The following SPINK9 variants were observed in gnomAD, a reference collection of about 807,000 sequenced individuals.
The protein encoded by SPINK9 is serine peptidase inhibitor Kazal type 9.
SPINK9 carries 3 observed loss-of-function variants against 10.8 expected under a neutral mutation model. That is an observed-to-expected ratio of 0.28 (90% CI 0.13 to 0.72). SPINK9 has a LOEUF of 0.72. Among genes scored for constraint, SPINK9 ranks in the 30% least tolerant of loss-of-function variants. The pLI is 0.74. For synonymous variants in SPINK9, 30 were observed against 31.2 expected, an observed-to-expected ratio of 0.96 and a Z score of 0.12; for missense variants, 101 against 103.2, an observed-to-expected ratio of 0.98 and a Z score of 0.09.
At chr5:148,331,694 A>C (rs1037557467), upstream of SPINK9, among the ~76,000 whole-genome samples, 1 of 152,216 alleles carries the variant, frequency 6.6e-6, no homozygotes, top group Non-Finnish European at 1.5e-5. Context: ...ATCATTCCAC[A>C]ATGTATACAT....
At chr5:148,332,478 AG>A (rs1757163563), upstream of SPINK9, among the ~76,000 whole-genome samples, 1 of 152,382 alleles carries the variant, frequency 6.6e-6, no homozygotes, top group South Asian at 2.1e-4. Context: ...AGGTTTTTCT[AG>A]GATCTGTGCT....
intron 2 of SPINK9, among the ~76,000 whole-genome samples, chr5:148,330,363 T>C (rs1224409487): frequency 1.3e-5 from 2 of 152,214 alleles, no homozygotes; most frequent in Admixed American, 6.5e-5. Flanking sequence ...GCTTGGTAGA[T>C]CTTCCTCCAT....
At position 148,338,598 on chromosome 5, in the gene SPINK9, AAAGTT is replaced by A. The variant is rs1757249023; in HGVS notation, c.213_215+2del. On this transcript the variant is annotated frameshift_variant and splice_region_variant, in exon 3 of 4. Transcript: ENST00000377906. LOFTEE classifies it high-confidence loss of function. ...TAAAAATGATTGCTTCTTCTGTTCT[AAAGTT>A]AAGTAAGTATTAAAATGTTTTCTTT... 2 of 1,575,604 alleles carry A rather than the reference AAAGTT, an allele frequency of 1.3e-6. No homozygotes were observed. Among genetic ancestry groups the A allele is most frequent in the Admixed American group, 1.7e-5 (1 of 57,578 alleles).
At chr5:148,328,679 C>G (rs1225886960) in intron 2 of SPINK9, among the ~76,000 whole-genome samples, 2 of 152,158 alleles carry the variant, frequency 1.3e-5, no homozygotes, top group Non-Finnish European at 2.9e-5. Context: ...TACGTCCCAT[C>G]AATACCTAAT....
chr5:148,338,436 A>G (rs1561769351), intron 2 of SPINK9, 42 bp from the exon 3 acceptor site: 1 of 1,557,432 alleles, frequency 6.4e-7, no homozygotes, highest in Admixed American at 2.0e-5. Flanking sequence ...GATAATAAAG[A>G]TTTGGTTGAA....
intron 3 of SPINK9, 90 bp from the exon 4 acceptor site, chr5:148,339,577 A>T (rs191184452): frequency 2.7e-6 from 3 of 1,111,274 alleles, no homozygotes; most frequent in Non-Finnish European, 4.0e-6. Context: ...AAACTTGAAT[A>T]CATTTTTGGG....
chr5:148,329,113 G>A (rs1205789018), intron 2 of SPINK9, among the ~76,000 whole-genome samples: 1 of 152,162 alleles, frequency 6.6e-6, no homozygotes, highest in African/African-American at 2.4e-5. Context: ...GGTAGAATCT[G>A]GCTGTGAATC....
chr5:148,324,705 T>A (rs577434765), intron 2 of SPINK9, among the ~76,000 whole-genome samples: 1 of 150,436 alleles, frequency 6.6e-6, no homozygotes, highest in African/African-American at 2.5e-5. Flanking sequence ...TGATCCTGAA[T>A]GGGTCTTATT....
At chr5:148,331,952 C>G (rs550505029), upstream of SPINK9, among the ~76,000 whole-genome samples, 1 of 152,030 alleles carries the variant, frequency 6.6e-6, no homozygotes, top group East Asian at 1.9e-4. Context: ...ATCTGTAGAT[C>G]AATTTGAGGA....
At chr5:148,336,067 T>G (rs563466660) in intron 1 of SPINK9, among the ~76,000 whole-genome samples, 3 of 151,904 alleles carry the variant, frequency 2.0e-5, no homozygotes, top group Non-Finnish European at 2.9e-5. Context: ...TGTTCCAACA[T>G]CTGTCATCTA....
Position 148,335,638 on chromosome 5 carries a change from C to T in SPINK9, c.25C>T (p.Leu9Phe). The change falls in exon 1 of 4, where the codon CTC becomes TTC. Residue 9 changes from leucine (L) to phenylalanine (F), a missense_variant. Leu to Phe is a conservative substitution (Grantham distance 22). Coordinates refer to ENST00000377906, the MANE Select transcript of SPINK9 (RefSeq NM_001040433.2). MRATAIVL[L>F]LALTLATMFS... ...TATGAGAGCAACAGCCATAGTCCTA[C>T]TCTTGGCTCTGACACTTGCAACCAT... 1.9e-6 allele frequency: 3 copies of T among 1,613,716 alleles called. No individual in the cohort carries two copies. Among genetic ancestry groups the T allele is most frequent in the Non-Finnish European group, 2.5e-6 (3 of 1,179,838 alleles).
intron 2 of SPINK9, among the ~76,000 whole-genome samples, chr5:148,324,163 C>T (rs1757030082): frequency 6.6e-6 from 1 of 151,924 alleles, no homozygotes; most frequent in Non-Finnish European, 1.5e-5. Flanking sequence ...AAGTTTTTTT[C>T]CCCTTGCTTG....
chr5:148,335,763 T>C, intron 1 of SPINK9, 95 bp downstream of exon 1: 16 of 1,410,014 alleles, frequency 1.1e-5, no homozygotes, highest in Non-Finnish European at 1.5e-5. Context: ...ATTCATCACA[T>C]AAATAATAAG....
At chr5:148,335,284 G>C (rs1757201579), upstream of SPINK9, among the ~76,000 whole-genome samples, 1 of 152,126 alleles carries the variant, frequency 6.6e-6, no homozygotes, top group Non-Finnish European at 1.5e-5. Context: ...CTTGTCTATT[G>C]CAAGTTATTG....
At chr5:148,333,192 C>T (rs1187919749), upstream of SPINK9, among the ~76,000 whole-genome samples, 2 of 152,204 alleles carry the variant, frequency 1.3e-5, no homozygotes, top group African/African-American at 4.8e-5. Flanking sequence ...CACATACCCA[C>T]ATTCCCACTT....
At chr5:148,332,180 G>C (rs1390167316), upstream of SPINK9, among the ~76,000 whole-genome samples, 1 of 152,174 alleles carries the variant, frequency 6.6e-6, no homozygotes, top group East Asian at 1.9e-4. Context: ...GTGGGTACTA[G>C]TAACGTGATA....
chr5:148,335,728 C>T (rs1485983668), intron 1 of SPINK9, 60 bp downstream of exon 1: 19 of 1,551,990 alleles, frequency 1.2e-5, no homozygotes, highest in Admixed American at 1.7e-5. Context: ...CAGTCTTCTG[C>T]CTATGTAATT....
rs565873493 is a variant in SPINK9 at position 148,329,138 on chromosome 5, C to A, written c.118+5270C>A. On this transcript the variant is annotated intron_variant, in intron 2 of 4. Transcript: ENST00000511717. Reference sequence around the variant, plus strand: ...GGCTGTGAATCCATCTGGTCCTGGACTTTTTTTTGTTTGGTAAGCTATTAA... The same window carrying A: ...GGCTGTGAATCCATCTGGTCCTGGAATTTTTTTTGTTTGGTAAGCTATTAA... Among the ~76,000 whole-genome samples the A allele has an allele frequency of 6.2e-3, 943 of 151,926 alleles. 9 individuals carry two copies. The highest frequency in any genetic ancestry group is 0.014 in the Middle Eastern group (4 of 294).
intron 3 of SPINK9, 113 bp downstream of exon 3, chr5:148,338,718 T>C: frequency 1.3e-6 from 1 of 749,874 alleles, no homozygotes; most frequent in South Asian, 2.7e-5. Flanking sequence ...ATACTGTCTC[T>C]AACAAACAGA....
Sources: gnomAD v4.1 joint callset for allele counts (sites outside exome capture counted in the v4.1 genomes callset) on GRCh38, gnomAD v4.1.1 for gene constraint, MANE v1.5 for transcripts, NCBI Gene and HGNC (gene_info 2026-07-23, HGNC 2026-07-21) for gene names.